The following ADGRL3 variants were observed in gnomAD, a reference collection of about 807,000 sequenced individuals.
The protein encoded by ADGRL3 is calcium-independent alpha-latrotoxin receptor 3.
In ADGRL3, 62 loss-of-function variants were observed where a neutral mutation model predicts 153.5. The observed-to-expected ratio is 0.40, with a 90% CI of 0.33 to 0.50. ADGRL3 has a LOEUF of 0.50. Among genes scored for constraint, ADGRL3 ranks in the 20% least tolerant of loss-of-function variants. The pLI is 0.47. For missense variants in ADGRL3, 1,641 were observed against 1,859.4 expected, an observed-to-expected ratio of 0.88 and a Z score of 2.16; for synonymous variants, 710 against 672.5, an observed-to-expected ratio of 1.06 and a Z score of -0.86.
At chr4:61,336,588 A>T (rs1267424503) in intron 1 of ADGRL3, among the ~76,000 whole-genome samples, 9 of 151,964 alleles carry the variant, frequency 5.9e-5, no homozygotes, top group Admixed American at 5.9e-4. Context: ...TGTGAGGGGT[A>T]GGGTGGTGTG....
intron 19 of ADGRL3, among the ~76,000 whole-genome samples, chr4:61,985,993 T>G (rs774471436): frequency 1.3e-4 from 19 of 149,514 alleles, no homozygotes; most frequent in Non-Finnish European, 2.5e-4. Context: ...ATAGGTTTGT[T>G]TTTTTTTTTA....
intron 2 of ADGRL3, among the ~76,000 whole-genome samples, chr4:61,408,082 A>C (rs967426840): frequency 6.6e-6 from 1 of 152,098 alleles, no homozygotes; most frequent in East Asian, 1.9e-4. Context: ...GGGAAGAGGA[A>C]AGGAAATAAG....
chr4:62,047,920 A>G (rs1731976286), intron 25 of ADGRL3, among the ~76,000 whole-genome samples: 1 of 152,270 alleles, frequency 6.6e-6, no homozygotes, highest in South Asian at 2.1e-4. Context: ...GAAGAGCTGT[A>G]AGGTGATGGT....
At chr4:61,874,836 C>G (rs1311195473) in intron 9 of ADGRL3, among the ~76,000 whole-genome samples, 1 of 117,078 alleles carries the variant, frequency 8.5e-6, no homozygotes, top group Non-Finnish European at 1.6e-5. Context: ...GAGTCTCGCT[C>G]TGTCGCCCAG....
intron 9 of ADGRL3, among the ~76,000 whole-genome samples, chr4:61,847,063 T>C (rs1363118103): frequency 1.3e-5 from 2 of 151,606 alleles, no homozygotes; most frequent in African/African-American, 2.4e-5. Flanking sequence ...GCATTGGGGA[T>C]TACAATTCAA....
intron 9 of ADGRL3, among the ~76,000 whole-genome samples, chr4:61,829,591 T>A (rs1051211369): frequency 2.0e-5 from 3 of 152,196 alleles, no homozygotes; most frequent in African/African-American, 4.8e-5. Flanking sequence ...AAAATAGAAC[T>A]TCTCCCTAGA....
chr4:61,745,197 A>T (rs915086880), intron 8 of ADGRL3, among the ~76,000 whole-genome samples: 1 of 152,112 alleles, frequency 6.6e-6, no homozygotes, highest in Non-Finnish European at 1.5e-5. Flanking sequence ...CTCCAAGAAA[A>T]ATGGGACTAT....
intron 9 of ADGRL3, among the ~76,000 whole-genome samples, chr4:61,867,702 G>T (rs1308485417): frequency 3.3e-5 from 5 of 151,266 alleles, no homozygotes; most frequent in Non-Finnish European, 5.9e-5. Flanking sequence ...AGAGAAATTT[G>T]TCTGTTTTAT....
intron 8 of ADGRL3, among the ~76,000 whole-genome samples, chr4:61,783,512 TTG>T (rs2097240292): frequency 6.6e-6 from 1 of 152,020 alleles, no homozygotes; most frequent in Non-Finnish European, 1.5e-5. Flanking sequence ...TTCTAGGAAA[TTG>T]TATATAAAGC....
rs72301670 is a variant in ADGRL3, at chr4:61,846,948, A to ATGTGTGTGTGTGTGTGTG, written c.1480+33065_1480+33082dup. 6.8e-3 allele frequency among the ~76,000 whole-genome samples: 995 copies of ATGTGTGTGTGTGTGTGTG among 145,838 alleles called. 13 individuals carry two copies. Among genetic ancestry groups the ATGTGTGTGTGTGTGTGTG allele is most frequent in the African/African-American group, 0.024 (932 of 38,576 alleles). On this transcript the variant is annotated intron_variant, in intron 9 of 26. Transcript: ENST00000683033. The stretch of plus-strand genomic sequence containing the variant: ...AGCCGTGAGGGATATTTTATATATT[A>ATGTGTGTGTGTGTGTGTG]TGTGTGTGTGTGTGTGTGTGTGTAT...
chr4:61,693,961 T>A (rs780970173), intron 6 of ADGRL3, among the ~76,000 whole-genome samples: 2 of 152,112 alleles, frequency 1.3e-5, no homozygotes, highest in African/African-American at 2.4e-5. Context: ...GGATCTTAAG[T>A]ATGACATTCA....
chr4:62,006,005 T>TCACAC (rs2099157091), intron 21 of ADGRL3, among the ~76,000 whole-genome samples: 1 of 41,652 alleles, frequency 2.4e-5, no homozygotes. Context: ...CACACACACA[T>TCACAC]ATATATATAT....
chr4:61,459,319 A>G (rs2097785774), intron 2 of ADGRL3, among the ~76,000 whole-genome samples: 1 of 151,684 alleles, frequency 6.6e-6, no homozygotes, highest in Non-Finnish European at 1.5e-5. Context: ...CAAACAATAA[A>G]CAAATAGATT....
At chr4:62,056,127 T>C (rs1325079286) in intron 25 of ADGRL3, among the ~76,000 whole-genome samples, 1 of 151,678 alleles carries the variant, frequency 6.6e-6, no homozygotes, top group East Asian at 1.9e-4. Flanking sequence ...TGACCTTGAA[T>C]AAATTATAAA....
intron 3 of ADGRL3, among the ~76,000 whole-genome samples, chr4:61,504,854 A>G (rs2098417097): frequency 6.6e-6 from 1 of 152,172 alleles, no homozygotes; most frequent in Non-Finnish European, 1.5e-5. Context: ...TTATCCATTC[A>G]TTCATTGATG....
intron 9 of ADGRL3, among the ~76,000 whole-genome samples, chr4:61,864,587 T>C (rs1581202250): frequency 6.6e-6 from 1 of 152,210 alleles, no homozygotes; most frequent in East Asian, 1.9e-4. Context: ...ATGCAGAAAC[T>C]ATAGTAATGC....
At chr4:61,878,550 A>G (rs1477352792) in intron 9 of ADGRL3, among the ~76,000 whole-genome samples, 1 of 152,258 alleles carries the variant, frequency 6.6e-6, no homozygotes, top group South Asian at 2.1e-4. Flanking sequence ...CAGACATATT[A>G]GTGTGAGAAC....
At chr4:61,725,034 G>T (rs1159376163) in intron 6 of ADGRL3, among the ~76,000 whole-genome samples, 1 of 152,118 alleles carries the variant, frequency 6.6e-6, no homozygotes, top group African/African-American at 2.4e-5. Context: ...TGAAAAGTGT[G>T]TCATTCTGTC....
chr4:61,983,240 T>G (rs755817266), intron 18 of ADGRL3, 143 bp from the exon 19 acceptor site: 11 of 613,054 alleles, frequency 1.8e-5, no homozygotes, highest in Non-Finnish European at 2.9e-5. Context: ...TTTTAATATC[T>G]GTGTTTTAAG....
Sources: gnomAD v4.1 joint callset for allele counts (sites outside exome capture counted in the v4.1 genomes callset) on GRCh38, gnomAD v4.1.1 for gene constraint, MANE v1.5 for transcripts, NCBI Gene and HGNC (gene_info 2026-07-23, HGNC 2026-07-21) for gene names.